STX1A: variants seen among roughly 807,000 people sequenced by gnomAD.
The protein encoded by STX1A is syntaxin 1A.
Under a neutral mutation model 37.8 loss-of-function variants are expected in STX1A, and 4 were observed. That is an observed-to-expected ratio of 0.11 (90% CI 0.05 to 0.24). The LOEUF (loss-of-function observed/expected upper bound fraction) is 0.24, where lower values mean the gene tolerates loss of function less well. Among genes scored for constraint, STX1A ranks in the 10% least tolerant of loss-of-function variants. STX1A has a pLI of 1.00. For missense variants in STX1A, 251 were observed against 399.9 expected, an observed-to-expected ratio of 0.63 and a Z score of 3.18; for synonymous variants, 135 against 147.4, an observed-to-expected ratio of 0.92 and a Z score of 0.61.
At chr7:73,703,600 G>T in intron 7 of STX1A, 155 bp downstream of exon 7, 1 of 898,354 alleles carries the variant, frequency 1.1e-6, no homozygotes, top group Non-Finnish European at 1.8e-6. Context: ...TGTGACCTCA[G>T]CCTGGTGTTT....
At position 73,706,376 on chromosome 7, in the gene STX1A, G is replaced by A. The variant is rs1295987726; in HGVS notation, c.209-1152C>T. ...GCTCAGACCCAAAATAGCCCAGGCC[G>A]GATGGCAGCCCCCAGAGGAGGCAGA... On this transcript the variant is annotated intron_variant, in intron 3 of 9. Transcript: ENST00000222812. The surrounding 1 kb of genome is among the most constrained non-coding windows in gnomAD (Gnocchi z 4.6). Among the ~76,000 whole-genome samples the A allele has an allele frequency of 1.3e-5, 2 of 152,276 alleles. No individual in the cohort carries two copies. The highest frequency in any genetic ancestry group is 2.1e-4 in the South Asian group (1 of 4,832).
At position 73,719,111 on chromosome 7, in the gene STX1A, G is replaced by C. The variant is rs916772319; in HGVS notation, c.30+491C>G. 2.6e-5 allele frequency among the ~76,000 whole-genome samples: 4 copies of C among 151,900 alleles called. No individual in the cohort carries two copies. In the South Asian group the frequency reaches 8.3e-4, roughly 32 times the overall value. On this transcript the variant is annotated intron_variant, in intron 1 of 9. Coordinates refer to ENST00000222812, the MANE Select transcript of STX1A (RefSeq NM_004603.4). ...AGGTTTCCGCAGCGCGCCCCGCAGC[G>C]GGGCCCCGCGCAGGGGACCGGCACC... is the stretch of plus-strand genomic sequence containing the variant.
rs1247252209 is a variant in STX1A at position 73,709,860 on chromosome 7, A to G, written c.31-738T>C. ...GTGGCACGGATCAGATCTCTTAGGA[A>G]TCTCCTGTGAGTCTTTTTTTAAAAC... On this transcript the variant is annotated intron_variant, in intron 1 of 9. Coordinates refer to ENST00000222812, the MANE Select transcript of STX1A (RefSeq NM_004603.4). The surrounding 1 kb of genome is among the most constrained non-coding windows in gnomAD (Gnocchi z 4.2). Among the ~76,000 whole-genome samples, 2 of 152,068 alleles carry G rather than the reference A, an allele frequency of 1.3e-5. No individual in the cohort carries two copies. The highest frequency in any genetic ancestry group is 2.4e-5 in the African/African-American group (1 of 41,386).
At position 73,704,920 on chromosome 7, in the gene STX1A, G is replaced by A. The variant is rs1418336732; in HGVS notation, c.283+230C>T. 4 of 599,328 alleles carry A rather than the reference G, an allele frequency of 6.7e-6. No homozygotes were observed. In the East Asian group the frequency reaches 1.1e-4, roughly 17 times the overall value. The allele number at this position is 599,328 out of a possible 1,614,324, so 37.1% of individuals were successfully genotyped here. ...GTGAGGGGCAGTGCCCATCCAGAGT[G>A]GAGCCCTCCCTCGCCAAAGCCTTAG... On this transcript the variant is annotated intron_variant, in intron 4 of 9. Transcript: ENST00000222812.
At chr7:73,703,061 G>T in intron 7 of STX1A, 79 bp from the exon 8 acceptor site, 1 of 1,106,024 alleles carries the variant, frequency 9.0e-7, no homozygotes, top group Non-Finnish European at 1.3e-6. Flanking sequence ...GGGCGTTTGG[G>T]GTGGGCAGAG....
chr7:73,711,171 A>ATTTT (rs1288377636), intron 1 of STX1A: 6 of 138,020 alleles, frequency 4.3e-5, no homozygotes, highest in African/African-American at 1.3e-4. Context: ...CTACTTTTTG[A>ATTTT]TTTTTTTTTT....
Position 73,706,868 on chromosome 7 carries a change from G to A in STX1A, c.209-1644C>T, listed in dbSNP as rs530075354. 5.3e-5 allele frequency among the ~76,000 whole-genome samples: 8 copies of A among 152,190 alleles called. No homozygotes were observed. The highest frequency in any genetic ancestry group is 1.7e-4 in the African/African-American group (7 of 41,440). ...AAATCTCTCAGGCAAGGAGCTCAGC[G>A]TGGTGAGCCCTGGGCGTCCCTCTCT... is the stretch of plus-strand genomic sequence containing the variant. On this transcript the variant is annotated intron_variant, in intron 3 of 9. Coordinates refer to ENST00000222812, the MANE Select transcript of STX1A (RefSeq NM_004603.4). The surrounding 1 kb of genome is among the most constrained non-coding windows in gnomAD (Gnocchi z 4.6).
chr7:73,717,409 A>G lies in STX1A; in HGVS notation c.30+2193T>C, dbSNP rs1166194545. 6.6e-6 allele frequency among the ~76,000 whole-genome samples: 1 copy of G among 152,056 alleles called. No individual in the cohort carries two copies. The highest frequency in any genetic ancestry group is 1.5e-5 in the Non-Finnish European group (1 of 67,996). ...CTCCTGGGGCTTCAGGCCTCCTACA[A>G]ATGTGGAGCTGGAGTCAGGAGACCT... On this transcript the variant is annotated intron_variant, in intron 1 of 9. Coordinates refer to ENST00000222812, the MANE Select transcript of STX1A (RefSeq NM_004603.4). The surrounding 1 kb of genome is among the most constrained non-coding windows in gnomAD (Gnocchi z 4.1).
In STX1A at chr7:73,702,743, C is replaced by T; in HGVS notation, c.678+102G>A. 8 of 1,582,424 alleles carry T rather than the reference C, an allele frequency of 5.1e-6. No individual in the cohort carries two copies. The African/African-American group carries it at 8.1e-5, about 16-fold the overall frequency. On this transcript the variant is annotated intron_variant, in intron 8 of 9. Transcript: ENST00000222812. This position sits in a 1 kb window ranked among gnomAD's most constrained non-coding sequence, Gnocchi z 4.7. ...GTGATTGGTTACCTGAGAACTTGGT[C>T]CCTCCCCGGCAGGGCAGCGTGTCGG... is the stretch of plus-strand genomic sequence containing the variant.
chr7:73,719,492 G>C lies in STX1A; in HGVS notation c.30+110C>G, dbSNP rs889225091. On this transcript the variant is annotated intron_variant, in intron 1 of 9. Coordinates refer to ENST00000222812, the MANE Select transcript of STX1A (RefSeq NM_004603.4). Reference sequence around the variant, plus strand: ...CGCCCCGCTCCCTTCAGCCCTGGCTGGGGGCGCAGGAGCGGCCACCATCCT... The same window carrying C: ...CGCCCCGCTCCCTTCAGCCCTGGCTCGGGGCGCAGGAGCGGCCACCATCCT... 5.6e-6 allele frequency: 6 copies of C among 1,063,984 alleles called. No homozygotes were observed. In the African/African-American group the frequency reaches 1.0e-4, roughly 18 times the overall value. The allele number at this position is 1,063,984 out of a possible 1,614,324, so 65.9% of individuals were successfully genotyped here. A position where few individuals can be genotyped will look rare whatever the true frequency, so the allele number is the denominator to read the frequency against.
In STX1A at chr7:73,702,896, G is replaced by A; in HGVS notation, c.627C>T (p.Ile209=). Residue 209 remains isoleucine, a synonymous_variant, in exon 8 of 10, where the codon ATC becomes ATT. Transcript: ENST00000222812. The surrounding 1 kb of genome is among the most constrained non-coding windows in gnomAD (Gnocchi z 4.7). ...CCATGAACATGTCGTGTAGCTCACG[G>A]ATGCTGTTCTCCAGCTTGATGATCT... ...HSEIIKLENS[I]RELHDMFMDM... The A allele has an allele frequency of 6.2e-7, 1 of 1,613,780 alleles. No homozygotes were observed. Among genetic ancestry groups the A allele is most frequent in the Non-Finnish European group, 8.5e-7 (1 of 1,180,016 alleles).
rs1799032695 is a variant in STX1A at position 73,709,824 on chromosome 7, C to T, written c.31-702G>A. ...TCCCAGCCCTGGGCACCACTAAACC[C>T]CAGTCCCGAGGTGGCACGGATCAGA... is the stretch of plus-strand genomic sequence containing the variant. On this transcript the variant is annotated intron_variant, in intron 1 of 9. Transcript: ENST00000222812. This position sits in a 1 kb window ranked among gnomAD's most constrained non-coding sequence, Gnocchi z 4.2. 6.6e-6 allele frequency among the ~76,000 whole-genome samples: 1 copy of T among 152,236 alleles called. No individual in the cohort carries two copies. The highest frequency in any genetic ancestry group is 1.5e-5 in the Non-Finnish European group (1 of 68,042).
intron 1 of STX1A, among the ~76,000 whole-genome samples, chr7:73,716,241 C>G (rs538041374): frequency 1.3e-5 from 2 of 152,398 alleles, no homozygotes; most frequent in South Asian, 4.1e-4. Context: ...TGTTCTTACA[C>G]TCTCGTGCCT....
chr7:73,709,516 C>T lies in STX1A; in HGVS notation c.31-394G>A, dbSNP rs1434542180. ...GCCTGGAAAGTGCATTCTCTACTCT[C>T]CTGGCCCTGTGGTTTACACACACAC... On this transcript the variant is annotated intron_variant, in intron 1 of 9. Transcript: ENST00000222812. This position sits in a 1 kb window ranked among gnomAD's most constrained non-coding sequence, Gnocchi z 4.2. Among the ~76,000 whole-genome samples the T allele has an allele frequency of 2.6e-5, 4 of 152,166 alleles. No individual in the cohort carries two copies. The highest frequency in any genetic ancestry group is 1.3e-4 in the Admixed American group (2 of 15,268).
chr7:73,700,342 G>T lies in STX1A; in HGVS notation c.*65C>A. ...GGGGGTTGGGAGGGCAGCCCAGCCA[G>T]GTGGCAGCAGCCAGGGCCTCCTTGG... On this transcript the variant is annotated 3_prime_UTR_variant, in exon 10 of 10. Transcript: ENST00000222812. The surrounding 1 kb of genome is among the most constrained non-coding windows in gnomAD (Gnocchi z 4.4). 1 of 1,552,552 alleles carries T rather than the reference G, an allele frequency of 6.4e-7. No homozygotes were observed. Among genetic ancestry groups the T allele is most frequent in the Non-Finnish European group, 8.9e-7 (1 of 1,125,426 alleles).
chr7:73,712,471 C>T (rs1257883160), intron 1 of STX1A, among the ~76,000 whole-genome samples: 3 of 151,818 alleles, frequency 2.0e-5, no homozygotes, highest in African/African-American at 7.3e-5. Flanking sequence ...AGCCTCCCTG[C>T]CCCCCCAAAT....
In STX1A at chr7:73,717,040, G is replaced by T. The variant is rs1293074658; in HGVS notation, c.30+2562C>A. ...TTCACTCCCCATCTGCAGAGGGAGA[G>T]TTGGGAGCTGGAGAAGGCTGGAGAA... On this transcript the variant is annotated intron_variant, in intron 1 of 9. Coordinates refer to ENST00000222812, the MANE Select transcript of STX1A (RefSeq NM_004603.4). The surrounding 1 kb of genome is among the most constrained non-coding windows in gnomAD (Gnocchi z 4.1). 9.2e-5 allele frequency among the ~76,000 whole-genome samples: 14 copies of T among 152,206 alleles called. No individual in the cohort carries two copies. Among genetic ancestry groups the T allele is most frequent in the African/African-American group, 3.1e-4 (13 of 41,438 alleles).
Position 73,709,049 on chromosome 7 carries a change from T to C in STX1A, c.104A>G (p.Glu35Gly). ...GTGGGGTGTGCTGGCTCCCACCTGC[T>C]CAAAGAACTCATCCATGAAGCGGTC... ...DRDRFMDEFFEQVEEIRGFID... is the reference protein window; with the variant it reads ...DRDRFMDEFFGQVEEIRGFID... The change falls in exon 2 of 10, where the codon GAG becomes GGG. Residue 35 changes from glutamate to glycine, a missense_variant. Physicochemically the swap from Glu to Gly is moderately conservative, Grantham distance 98 (BLOSUM62 -2). This residue lies in a region of STX1A where 214 missense variants were observed against 367.6 expected (regional missense o/e 0.58). Transcript: ENST00000222812. The surrounding 1 kb of genome is among the most constrained non-coding windows in gnomAD (Gnocchi z 4.2). The C allele has an allele frequency of 6.2e-7, 1 of 1,613,982 alleles. No homozygotes were observed. Among genetic ancestry groups the C allele is most frequent in the Non-Finnish European group, 8.5e-7 (1 of 1,179,976 alleles).
At chr7:73,704,616 G>T in intron 4 of STX1A, 193 bp from the exon 5 acceptor site, 1 of 664,026 alleles carries the variant, frequency 1.5e-6, no homozygotes, top group Non-Finnish European at 2.6e-6. Context: ...TGTGTGGTGT[G>T]TGCATGTGTG....
Sources: allele counts gnomAD v4.1 joint callset (sites outside exome capture counted in the v4.1 genomes callset), GRCh38; gene constraint gnomAD v4.1.1; regional missense constraint gnomAD v4.1.1; non-coding constraint Gnocchi (gnomAD v3.1); transcripts MANE v1.5; gene names NCBI Gene and HGNC (gene_info 2026-07-23, HGNC 2026-07-21).